Variants in CNTNAP2 observed in about 807,000 individuals in gnomAD.
CNTNAP2 encodes the protein contactin associated protein 2, also known as contactin-associated protein-like 2.
In CNTNAP2, 98 loss-of-function variants were observed where a neutral mutation model predicts 155.2. The observed-to-expected ratio is 0.63, with a 90% CI of 0.54 to 0.75. CNTNAP2 has a LOEUF of 0.75. Among genes scored for constraint, CNTNAP2 ranks in the 30% least tolerant of loss-of-function variants. CNTNAP2 has a pLI of 0.00. For missense variants in CNTNAP2, 1,727 were observed against 1,688.1 expected (o/e 1.02, Z -0.40); for synonymous variants, 651 against 631.2 (o/e 1.03, Z -0.47).
At chr7:147,558,289 G>A (rs1488452852) in intron 11 of CNTNAP2, among the ~76,000 whole-genome samples, 1 of 152,036 alleles carries the variant, frequency 6.6e-6, no homozygotes, top group Non-Finnish European at 1.5e-5. Context: ...AAGTGAGGTG[G>A]CATTCTAACC....
chr7:148,328,027 C>T (rs1797921655), intron 21 of CNTNAP2, among the ~76,000 whole-genome samples: 1 of 152,204 alleles, frequency 6.6e-6, no homozygotes, highest in African/African-American at 2.4e-5. Flanking sequence ...TCTCCCAGAA[C>T]CCTGACTTCC....
At chr7:146,197,611 A>G (rs2116861538) in intron 1 of CNTNAP2, among the ~76,000 whole-genome samples, 1 of 152,322 alleles carries the variant, frequency 6.6e-6, no homozygotes, top group Admixed American at 6.5e-5. Flanking sequence ...TTAAAATTTA[A>G]GTATAACTTT....
At chr7:147,187,870 G>C (rs1454702571) in intron 8 of CNTNAP2, among the ~76,000 whole-genome samples, 1 of 152,114 alleles carries the variant, frequency 6.6e-6, no homozygotes, top group Non-Finnish European at 1.5e-5. Flanking sequence ...GATCAGCCTG[G>C]GCCACATGGT....
At chr7:146,611,811 T>C (rs535332680) in intron 1 of CNTNAP2, among the ~76,000 whole-genome samples, 207 of 152,318 alleles carry the variant, frequency 1.4e-3, no homozygotes, top group Admixed American at 1.8e-3. Flanking sequence ...TCAGACTATC[T>C]TGATATTCAA....
chr7:146,866,319 T>C (rs1426674912), intron 3 of CNTNAP2, among the ~76,000 whole-genome samples: 1 of 152,136 alleles, frequency 6.6e-6, no homozygotes, highest in Non-Finnish European at 1.5e-5. Context: ...AATATTTATC[T>C]CATTGTTTTC....
chr7:148,306,116 A>G (rs1287672305), intron 21 of CNTNAP2, among the ~76,000 whole-genome samples: 5 of 152,220 alleles, frequency 3.3e-5, no homozygotes, highest in Admixed American at 2.0e-4. Flanking sequence ...TCATTTAGAA[A>G]TTATTTCCCT....
intron 1 of CNTNAP2, among the ~76,000 whole-genome samples, chr7:146,456,565 G>A (rs1177100957): frequency 1.3e-5 from 2 of 152,122 alleles, no homozygotes; most frequent in East Asian, 3.8e-4. Context: ...AAAATCTCCA[G>A]ATTCCTCAAA....
chr7:147,117,682 C>T (rs1011716346), intron 5 of CNTNAP2, among the ~76,000 whole-genome samples: 8 of 152,116 alleles, frequency 5.3e-5, no homozygotes, highest in Non-Finnish European at 1.2e-4. Flanking sequence ...GTGGTCCAAA[C>T]ATTCCTGAAT....
chr7:146,569,109 C>T (rs12532342), intron 1 of CNTNAP2, among the ~76,000 whole-genome samples: 80,040 of 151,870 alleles, frequency 0.53, 21,590 homozygotes, highest in African/African-American at 0.59. Context: ...GGCTGCCTCC[C>T]GGGTTCACGC....
At chr7:147,919,208 C>T (rs1800214792) in intron 14 of CNTNAP2, among the ~76,000 whole-genome samples, 1 of 152,038 alleles carries the variant, frequency 6.6e-6, no homozygotes, top group Admixed American at 6.6e-5. Flanking sequence ...ACAGCCCTGA[C>T]ACACCTTGAT....
chr7:147,631,529 A>G (rs2116910785), intron 12 of CNTNAP2, among the ~76,000 whole-genome samples: 1 of 152,294 alleles, frequency 6.6e-6, no homozygotes, highest in East Asian at 1.9e-4. Context: ...CCAAAGCAAG[A>G]CAAAGCTAAA....
intron 12 of CNTNAP2, among the ~76,000 whole-genome samples, chr7:147,621,704 G>C (rs986069130): frequency 6.6e-6 from 1 of 151,654 alleles, no homozygotes; most frequent in Non-Finnish European, 1.5e-5. Context: ...TTCACTAAAG[G>C]AGGACAGGAA....
At position 148,284,091 on chromosome 7, in the gene CNTNAP2, A is replaced by G. The variant is rs547242005; in HGVS notation, c.3475+16965A>G. Reference sequence around the variant, plus strand: ...CTGCATCACATGAATATGATGATACATTATGTTTTTATATTATTTTGCAGT... The same window carrying G: ...CTGCATCACATGAATATGATGATACGTTATGTTTTTATATTATTTTGCAGT... On this transcript the variant is annotated intron_variant, in intron 21 of 23. Transcript: ENST00000361727. Among the ~76,000 whole-genome samples the G allele has an allele frequency of 2.0e-5, 3 of 152,362 alleles. 1 individual carries two copies. The highest frequency in any genetic ancestry group is 7.2e-5 in the African/African-American group (3 of 41,584).
chr7:147,344,017 A>G (rs1174573813), intron 9 of CNTNAP2, among the ~76,000 whole-genome samples: 4 of 152,208 alleles, frequency 2.6e-5, no homozygotes, highest in Admixed American at 6.5e-5. Flanking sequence ...CTTCAAATCA[A>G]CACTGGTGTT....
chr7:147,407,013 G>C (rs73473282), intron 10 of CNTNAP2, among the ~76,000 whole-genome samples: 4,295 of 152,226 alleles, frequency 0.028, 228 homozygotes, highest in African/African-American at 0.098. Flanking sequence ...TCCCAGACAG[G>C]CTTCATCAAC....
At chr7:147,372,171 T>A (rs1363946353) in intron 9 of CNTNAP2, among the ~76,000 whole-genome samples, 3 of 152,108 alleles carry the variant, frequency 2.0e-5, no homozygotes, top group Non-Finnish European at 4.4e-5. Flanking sequence ...TTAAATTCAT[T>A]AATAAACAAG....
At chr7:147,314,674 A>T (rs1795194128) in intron 9 of CNTNAP2, among the ~76,000 whole-genome samples, 2 of 151,250 alleles carry the variant, frequency 1.3e-5, no homozygotes, top group Non-Finnish European at 3.0e-5. Flanking sequence ...ATATCTTTGG[A>T]ACTTTTCCTA....
intron 12 of CNTNAP2, among the ~76,000 whole-genome samples, chr7:147,635,276 T>C (rs377085650): frequency 6.6e-5 from 10 of 151,676 alleles, no homozygotes; most frequent in East Asian, 3.9e-4. Context: ...CCAAAACTTT[T>C]TTTTTTTAAT....
At chr7:146,795,773 C>T (rs1480777326) in intron 2 of CNTNAP2, among the ~76,000 whole-genome samples, 1 of 152,044 alleles carries the variant, frequency 6.6e-6, no homozygotes, top group African/African-American at 2.4e-5. Flanking sequence ...ACCTTATGCC[C>T]CAGCAATTTC....
Sources: allele counts gnomAD v4.1 joint callset (sites outside exome capture counted in the v4.1 genomes callset), GRCh38; gene constraint gnomAD v4.1.1; transcripts MANE v1.5; gene names NCBI Gene and HGNC (gene_info 2026-07-23, HGNC 2026-07-21).